The following PPME1 variants were observed in gnomAD, a reference collection of about 807,000 sequenced individuals.
PPME1 encodes protein phosphatase methylesterase 1.
Under a neutral mutation model 56.9 loss-of-function variants are expected in PPME1, and 17 were observed. The observed-to-expected ratio is 0.30, with a 90% CI of 0.20 to 0.45. The LOEUF (loss-of-function observed/expected upper bound fraction) is 0.45. Ranked by LOEUF, PPME1 falls within the 20% of genes least tolerant of loss-of-function variation. The pLI, the probability that PPME1 is intolerant of heterozygous loss-of-function variation, is 1.00. For synonymous variants in PPME1, 122 were observed against 156.2 expected, an observed-to-expected ratio of 0.78 and a Z score of 1.63; for missense variants, 357 against 483.2, an observed-to-expected ratio of 0.74 and a Z score of 2.45.
chr11:74,215,120 C>CTCA (rs1858594951), intron 3 of PPME1, among the ~76,000 whole-genome samples: 6 of 152,098 alleles, frequency 3.9e-5, no homozygotes, highest in Admixed American at 1.3e-4. Flanking sequence ...CCGAGGTGGA[C>CTCA]AGATTGCTTG....
chr11:74,248,861 A>G (rs1859578783), intron 11 of PPME1: 1 of 152,208 alleles, frequency 6.6e-6, no homozygotes. Flanking sequence ...AGCATTTGAA[A>G]TCATTGTTGA....
chr11:74,192,701 A>G (rs1268107541), intron 1 of PPME1, among the ~76,000 whole-genome samples: 2 of 151,978 alleles, frequency 1.3e-5, no homozygotes, highest in East Asian at 3.9e-4. Context: ...TCTTGCCCTG[A>G]GTTCTCTCCA....
At chr11:74,241,084 A>G (rs891373537) in intron 9 of PPME1, among the ~76,000 whole-genome samples, 37 of 152,184 alleles carry the variant, frequency 2.4e-4, no homozygotes, top group Admixed American at 7.2e-4. Context: ...AAACTCCAGC[A>G]GTTCTGTTGA....
intron 3 of PPME1, among the ~76,000 whole-genome samples, chr11:74,208,799 C>T (rs1482278928): frequency 1.3e-5 from 2 of 152,156 alleles, no homozygotes; most frequent in Admixed American, 1.3e-4. Flanking sequence ...GAGAGGACAT[C>T]TGAAATGGTT....
chr11:74,191,194 G>A (rs541341741), intron 1 of PPME1, among the ~76,000 whole-genome samples: 1 of 152,306 alleles, frequency 6.6e-6, no homozygotes, highest in Non-Finnish European at 1.5e-5. Context: ...GAAGTTATCA[G>A]CTGGATGTGG....
intron 1 of PPME1, among the ~76,000 whole-genome samples, chr11:74,176,522 T>C (rs1234925590): frequency 6.6e-6 from 1 of 152,112 alleles, no homozygotes; most frequent in East Asian, 1.9e-4. Context: ...TTCAGTGATT[T>C]TTGGTATATT....
intron 7 of PPME1, among the ~76,000 whole-genome samples, chr11:74,234,477 G>T (rs947439579): frequency 6.6e-6 from 1 of 152,092 alleles, no homozygotes; most frequent in African/African-American, 2.4e-5. Context: ...AACTGAAAAG[G>T]CACAGTTGAT....
intron 7 of PPME1, among the ~76,000 whole-genome samples, chr11:74,234,162 G>C (rs1859136257): frequency 6.6e-6 from 1 of 152,250 alleles, no homozygotes; most frequent in East Asian, 1.9e-4. Flanking sequence ...TGGGTGAATG[G>C]TAGAAACAGA....
chr11:74,253,470 TTC>T lies in PPME1; in HGVS notation c.1143-18_1143-17del. On this transcript the variant is annotated intron_variant, in intron 13 of 13. Transcript: ENST00000328257. ...TATTGATAGTTACATTTGTTTTTCC[TTC>T]TCTTTCTGTTCTTCCACAGTGTGTT... 1 of 1,601,684 alleles carries T rather than the reference TTC, an allele frequency of 6.2e-7. No homozygotes were observed. The highest frequency in any genetic ancestry group is 8.6e-7 in the Non-Finnish European group (1 of 1,168,750).
At chr11:74,173,308 G>T (rs1857328925) in intron 1 of PPME1, among the ~76,000 whole-genome samples, 1 of 152,008 alleles carries the variant, frequency 6.6e-6, no homozygotes, top group African/African-American at 2.4e-5. Context: ...AAATAAATTT[G>T]ATTTTTCAGT....
At chr11:74,251,740 A>G (rs760541808) in intron 13 of PPME1, 25 bp downstream of exon 13, 1 of 1,613,070 alleles carries the variant, frequency 6.2e-7, no homozygotes, top group East Asian at 2.2e-5. Flanking sequence ...AGGGTTTAAG[A>G]ACCCAGCAGT....
chr11:74,215,135 C>T (rs1021513227), intron 3 of PPME1, among the ~76,000 whole-genome samples: 17 of 152,108 alleles, frequency 1.1e-4, no homozygotes, highest in African/African-American at 4.1e-4. Context: ...TGCTTGAGCC[C>T]AGGAATTTGA....
At chr11:74,225,950 C>T (rs1250141865) in intron 5 of PPME1, among the ~76,000 whole-genome samples, 1 of 152,170 alleles carries the variant, frequency 6.6e-6, no homozygotes, top group Non-Finnish European at 1.5e-5. Flanking sequence ...CTTCTAGCCA[C>T]TCTGCTTTAA....
chr11:74,252,248 T>TG (rs1189649501), intron 13 of PPME1, among the ~76,000 whole-genome samples: 3 of 148,280 alleles, frequency 2.0e-5, no homozygotes, highest in African/African-American at 5.2e-5. Flanking sequence ...TGTTTTTTTT[T>TG]TTGTTTTTTT....
chr11:74,194,193 A>AT (rs887870209), intron 1 of PPME1, among the ~76,000 whole-genome samples: 4 of 151,058 alleles, frequency 2.6e-5, no homozygotes, highest in Non-Finnish European at 5.9e-5. Flanking sequence ...TTTTTATTTT[A>AT]TTTTTTATTT....
intron 1 of PPME1, among the ~76,000 whole-genome samples, chr11:74,189,047 A>C (rs1857765669): frequency 6.6e-6 from 1 of 152,128 alleles, no homozygotes; most frequent in African/African-American, 2.4e-5. Flanking sequence ...TGCTTTTATC[A>C]ATGCACTTCA....
At chr11:74,189,657 A>G (rs1857783426) in intron 1 of PPME1, among the ~76,000 whole-genome samples, 1 of 152,156 alleles carries the variant, frequency 6.6e-6, no homozygotes, top group Non-Finnish European at 1.5e-5. Flanking sequence ...GTACACAGAA[A>G]TCTTTTCCAT....
At position 74,204,560 on chromosome 11, in the gene PPME1, A is replaced by G. The variant is rs1858275935; in HGVS notation, c.288+115A>G. 2.6e-5 allele frequency: 21 copies of G among 819,598 alleles called. No individual in the cohort carries two copies. In the South Asian group the frequency reaches 3.4e-4, roughly 13 times the overall value. 50.8% of individuals were successfully genotyped at this position (819,598 alleles called of 1,614,324 possible). On this transcript the variant is annotated intron_variant, in intron 3 of 13. Transcript: ENST00000328257. Reference sequence around the variant, plus strand: ...TTTGGGAAGCAGGAATTGCTATTCCAGGCATACACACAGACTGGGTGGTAT... The same window carrying G: ...TTTGGGAAGCAGGAATTGCTATTCCGGGCATACACACAGACTGGGTGGTAT...
intron 1 of PPME1, among the ~76,000 whole-genome samples, chr11:74,173,933 A>G (rs1857345616): frequency 6.6e-6 from 1 of 152,200 alleles, no homozygotes; most frequent in Non-Finnish European, 1.5e-5. Context: ...GCCTTTCTTT[A>G]TGATAGTATT....
Sources: allele counts gnomAD v4.1 joint callset (sites outside exome capture counted in the v4.1 genomes callset), GRCh38; gene constraint gnomAD v4.1.1; transcripts MANE v1.5; gene names NCBI Gene and HGNC (gene_info 2026-07-23, HGNC 2026-07-21).